Variants in DCLK1 observed in about 807,000 individuals in gnomAD.
DCLK1 encodes the protein serine/threonine-protein kinase DCLK1.
DCLK1 carries 16 observed loss-of-function variants against 86.2 expected under a neutral mutation model. The ratio of observed to expected loss-of-function variants is 0.19; its 90% CI spans 0.13 to 0.28. The LOEUF is 0.28. Ranked by LOEUF, DCLK1 falls within the 10% of genes least tolerant of loss-of-function variation. DCLK1 has a pLI of 1.00. For missense variants in DCLK1, 590 were observed against 940.2 expected (o/e 0.63, Z 4.87); for synonymous variants, 369 against 370.5 (o/e 1.00, Z 0.05).
intron 4 of DCLK1, among the ~76,000 whole-genome samples, chr13:35,892,295 T>C (rs1292590684): frequency 2.6e-5 from 4 of 152,222 alleles, no homozygotes; most frequent in East Asian, 1.9e-4. Context: ...ATAGGCATTA[T>C]TGCATTATTC....
intron 3 of DCLK1, among the ~76,000 whole-genome samples, chr13:35,966,677 G>C (rs142589566): frequency 6.6e-6 from 1 of 152,000 alleles, no homozygotes; most frequent in Non-Finnish European, 1.5e-5. Context: ...ACTGGTTTTC[G>C]TATTTTTTGG....
chr13:35,850,221 A>G, intron 6 of DCLK1: 5 of 983,466 alleles, frequency 5.1e-6, no homozygotes, highest in Non-Finnish European at 6.0e-6. Context: ...TTTGTAATAA[A>G]AGTACCTCTA....
chr13:35,836,662 C>T (rs910496329), intron 7 of DCLK1, among the ~76,000 whole-genome samples: 10 of 152,152 alleles, frequency 6.6e-5, no homozygotes, highest in Non-Finnish European at 1.5e-4. Flanking sequence ...GATGGCCACC[C>T]GTCCTCGGTA....
At chr13:36,099,962 G>A (rs9575272) in intron 3 of DCLK1, among the ~76,000 whole-genome samples, 2 of 151,784 alleles carry the variant, frequency 1.3e-5, no homozygotes, top group African/African-American at 4.8e-5. Context: ...TTTAATCAAT[G>A]GATGTGTTTT....
At chr13:36,052,162 G>A (rs894766837) in intron 3 of DCLK1, among the ~76,000 whole-genome samples, 4 of 152,072 alleles carry the variant, frequency 2.6e-5, no homozygotes, top group Admixed American at 6.6e-5. Context: ...ATCTCATCAC[G>A]GAACTTGCTC....
At chr13:35,972,267 CTTTA>C (rs1445976930) in intron 3 of DCLK1, among the ~76,000 whole-genome samples, 1 of 151,986 alleles carries the variant, frequency 6.6e-6, no homozygotes, top group Non-Finnish European at 1.5e-5. Flanking sequence ...GACAGGTAGC[CTTTA>C]TTTTTTTTTT....
intron 3 of DCLK1, among the ~76,000 whole-genome samples, chr13:35,992,626 C>A (rs577179381): frequency 6.6e-4 from 100 of 152,104 alleles, no homozygotes; most frequent in Non-Finnish European, 1.1e-3. Flanking sequence ...TCAATGACCA[C>A]AAATGCCCCA....
chr13:35,985,955 G>A (rs576999101), intron 3 of DCLK1, among the ~76,000 whole-genome samples: 31 of 152,216 alleles, frequency 2.0e-4, no homozygotes, highest in East Asian at 3.9e-4. Flanking sequence ...CCAAACAATC[G>A]TAATCAGAGA....
Position 35,822,831 on chromosome 13 carries a change from G to A in DCLK1, c.1452C>T (p.Thr484=), listed in dbSNP as rs143725017. 1,225 of 1,613,710 alleles carry A rather than the reference G, an allele frequency of 7.6e-4. 8 individuals are homozygous for A. The African/African-American group carries it at 0.013, about 17-fold the overall frequency. ...ACAGCATCCCACTGGCGTCTCTCTC[G>A]GTGTATTTGTTAGTGGAAGTAATGG... ...FDAITSTNKY[T]ERDASGMLYN... The change falls in exon 11 of 17, where the codon ACC becomes ACT. Residue 484 remains threonine, a synonymous_variant. Coordinates refer to ENST00000360631, the MANE Select transcript of DCLK1 (RefSeq NM_001330071.2).
At chr13:35,864,912 A>G (rs1467394220) in intron 5 of DCLK1, among the ~76,000 whole-genome samples, 2 of 152,104 alleles carry the variant, frequency 1.3e-5, no homozygotes, top group Non-Finnish European at 2.9e-5. Flanking sequence ...TAGGCCTCCC[A>G]AAGTGTTGGG....
intron 6 of DCLK1, chr13:35,846,639 G>A (rs1870195750): frequency 1.0e-6 from 1 of 985,162 alleles, no homozygotes; most frequent in South Asian, 4.7e-5. Context: ...GCTATATCAG[G>A]CAATTGGTAT....
intron 3 of DCLK1, among the ~76,000 whole-genome samples, chr13:35,957,355 G>A (rs927287298): frequency 2.0e-5 from 3 of 152,056 alleles, no homozygotes; most frequent in African/African-American, 7.2e-5. Context: ...TAATTTTGTT[G>A]ACTCTTACTC....
chr13:35,864,985 A>C (rs912749521), intron 5 of DCLK1, among the ~76,000 whole-genome samples: 6 of 152,300 alleles, frequency 3.9e-5, no homozygotes, highest in African/African-American at 1.4e-4. Flanking sequence ...AAAGATCAAA[A>C]TTTTGAAGTT....
Position 36,013,605 on chromosome 13 carries a change from G to A in DCLK1, c.724-66148C>T, listed in dbSNP as rs544492218. 4.9e-3 allele frequency among the ~76,000 whole-genome samples: 753 copies of A among 152,246 alleles called. 5 individuals carry two copies. Among genetic ancestry groups the A allele is most frequent in the African/African-American group, 0.016 (677 of 41,538 alleles). On this transcript the variant is annotated intron_variant, in intron 3 of 16. Coordinates refer to ENST00000360631, the MANE Select transcript of DCLK1 (RefSeq NM_001330071.2). ...CCCGTTCTCAGATCTCCAGCTGCGTGCTGGGAGAACCACTGCTCTCTTCAA... is the reference window on the plus strand; with the variant it reads ...CCCGTTCTCAGATCTCCAGCTGCGTACTGGGAGAACCACTGCTCTCTTCAA...
chr13:35,888,538 C>T (rs1389939535), intron 4 of DCLK1, among the ~76,000 whole-genome samples: 2 of 17,956 alleles, frequency 1.1e-4, no homozygotes, highest in Admixed American at 1.3e-3. Flanking sequence ...TATGTAAGTC[C>T]CTGGGTACAG....
At chr13:35,829,176 C>G (rs995185194) in intron 8 of DCLK1, among the ~76,000 whole-genome samples, 1 of 152,214 alleles carries the variant, frequency 6.6e-6, no homozygotes, top group Non-Finnish European at 1.5e-5. Flanking sequence ...AACGCCGCCC[C>G]TCCTCTGTGA....
At chr13:35,915,686 C>G (rs373538542) in intron 4 of DCLK1, among the ~76,000 whole-genome samples, 1 of 152,024 alleles carries the variant, frequency 6.6e-6, no homozygotes, top group Admixed American at 6.6e-5. Context: ...CCTGGGTGAC[C>G]CTGAGACCCC....
chr13:35,836,170 G>A, intron 7 of DCLK1, 29 bp from the exon 8 acceptor site: 1 of 1,543,476 alleles, frequency 6.5e-7, no homozygotes. Context: ...CTTTTTTATT[G>A]GTTGAAAAGG....
intron 4 of DCLK1, among the ~76,000 whole-genome samples, chr13:35,930,444 T>G (rs1158820766): frequency 6.6e-6 from 1 of 151,950 alleles, no homozygotes; most frequent in African/African-American, 2.4e-5. Flanking sequence ...AAAAAGAAAT[T>G]AATTGGATTA....
Sources: allele counts gnomAD v4.1 joint callset (sites outside exome capture counted in the v4.1 genomes callset), GRCh38; gene constraint gnomAD v4.1.1; transcripts MANE v1.5; gene names NCBI Gene and HGNC (gene_info 2026-07-23, HGNC 2026-07-21).